The following PLD5 variants were observed in gnomAD, a reference collection of about 807,000 sequenced individuals.
The protein encoded by PLD5 is inactive phospholipase D5.
A neutral mutation model predicts 61.1 loss-of-function variants in PLD5; 36 were observed. The ratio of observed to expected loss-of-function variants is 0.59; its 90% confidence interval spans 0.45 to 0.78. The LOEUF is 0.78. Ranked by LOEUF, PLD5 falls within the 30% of genes least tolerant of loss-of-function variation. The pLI is 0.00. For synonymous variants in PLD5, 243 were observed against 242.8 expected (o/e 1.00, Z -0.01); for missense variants, 515 against 644.4 (o/e 0.80, Z 2.17).
intron 5 of PLD5, among the ~76,000 whole-genome samples, chr1:242,173,031 A>G (rs1425670731): frequency 1.3e-5 from 2 of 152,284 alleles, no homozygotes; most frequent in East Asian, 3.9e-4. Context: ...CCTATTCAAC[A>G]TAGTGTTGGA....
At chr1:242,225,488 G>A (rs1297029034) in intron 4 of PLD5, among the ~76,000 whole-genome samples, 2 of 151,454 alleles carry the variant, frequency 1.3e-5, no homozygotes, top group African/African-American at 4.9e-5. Context: ...CATAACGCAT[G>A]TGAGACCCAT....
At chr1:242,151,945 C>A (rs901540007) in intron 5 of PLD5, among the ~76,000 whole-genome samples, 1 of 151,924 alleles carries the variant, frequency 6.6e-6, no homozygotes, top group Non-Finnish European at 1.5e-5. Context: ...CCAGTGGTAA[C>A]AACTTGAAAA....
intron 5 of PLD5, among the ~76,000 whole-genome samples, chr1:242,171,728 AG>A (rs1281399369): frequency 4.4e-4 from 67 of 151,992 alleles, no homozygotes; most frequent in African/African-American, 1.6e-3. Flanking sequence ...AAAAAAAAAA[AG>A]AGCAGGAGTT....
chr1:242,368,658 T>G (rs1558502219), intron 1 of PLD5, among the ~76,000 whole-genome samples: 1 of 152,182 alleles, frequency 6.6e-6, no homozygotes, highest in Non-Finnish European at 1.5e-5. Context: ...GTTCTCTGCC[T>G]GAGCTTCTCC....
chr1:242,486,733 A>C (rs1401558225), intron 1 of PLD5, among the ~76,000 whole-genome samples: 1 of 152,210 alleles, frequency 6.6e-6, no homozygotes, highest in Non-Finnish European at 1.5e-5. Context: ...AGGATTACAA[A>C]TCATGCTGCT....
intron 1 of PLD5, among the ~76,000 whole-genome samples, chr1:242,482,237 G>A (rs959142235): frequency 2.8e-4 from 43 of 152,182 alleles, no homozygotes; most frequent in African/African-American, 1.0e-3. Flanking sequence ...AGAGAAGAAG[G>A]CTTCAGACAA....
At chr1:242,489,407 T>C (rs1273023465) in intron 1 of PLD5, among the ~76,000 whole-genome samples, 1 of 146,952 alleles carries the variant, frequency 6.8e-6, no homozygotes, top group East Asian at 2.0e-4. Context: ...ACAGAGATGC[T>C]GCAACCAGAG....
At chr1:242,208,474 C>CT (rs1376228743) in intron 5 of PLD5, among the ~76,000 whole-genome samples, 1 of 152,164 alleles carries the variant, frequency 6.6e-6, no homozygotes, top group Non-Finnish European at 1.5e-5. Context: ...TGCAGCCTCC[C>CT]TTTCTCAGGT....
intron 1 of PLD5, among the ~76,000 whole-genome samples, chr1:242,401,683 A>T (rs1663942343): frequency 6.6e-6 from 1 of 151,962 alleles, no homozygotes; most frequent in South Asian, 2.1e-4. Context: ...CACTGTTCTG[A>T]TCTCTGCTCA....
intron 1 of PLD5, among the ~76,000 whole-genome samples, chr1:242,474,028 G>A (rs981064793): frequency 1.3e-5 from 2 of 152,076 alleles, no homozygotes. Context: ...GTTAACCCAC[G>A]TGATAATAGC....
rs1385702405 is a variant in PLD5, at chr1:242,374,969, C to T, written c.190-26727G>A. 2.0e-5 allele frequency among the ~76,000 whole-genome samples: 3 copies of T among 152,168 alleles called. No individual in the cohort carries two copies. The East Asian group carries it at 5.8e-4, about 29-fold the overall frequency. On this transcript the variant is annotated intron_variant, in intron 1 of 9. Transcript: ENST00000536534. ...AAGCTTCAGGGGTCAAGGGCCTTGG[C>T]CCCTACAGTTTTACACACAGGGACA... is the stretch of plus-strand genomic sequence containing the variant.
chr1:242,236,559 A>T (rs1671653437), intron 4 of PLD5, among the ~76,000 whole-genome samples: 1 of 152,166 alleles, frequency 6.6e-6, no homozygotes, highest in Non-Finnish European at 1.5e-5. Flanking sequence ...AACAAAAAAA[A>T]ACTCACAAGC....
At chr1:242,509,235 C>G (rs904284640) in intron 1 of PLD5, among the ~76,000 whole-genome samples, 3 of 151,654 alleles carry the variant, frequency 2.0e-5, no homozygotes, top group Admixed American at 2.0e-4. Flanking sequence ...AGAAATTAGC[C>G]GGGCGTGATG....
chr1:242,307,739 G>A (rs1676463668), intron 2 of PLD5, among the ~76,000 whole-genome samples: 1 of 152,036 alleles, frequency 6.6e-6, no homozygotes, highest in Non-Finnish European at 1.5e-5. Context: ...TGCGAGTCAG[G>A]CTTCTCCTTT....
chr1:242,506,232 G>A (rs555705895), intron 1 of PLD5, among the ~76,000 whole-genome samples: 4 of 152,090 alleles, frequency 2.6e-5, no homozygotes, highest in Non-Finnish European at 5.9e-5. Context: ...AAGAGGGAAG[G>A]TATATACATC....
At chr1:242,395,061 GTATATATATGAATA>G (rs1558528336) in intron 1 of PLD5, among the ~76,000 whole-genome samples, 17 of 84,956 alleles carry the variant, frequency 2.0e-4, no homozygotes, top group Middle Eastern at 6.1e-3. Flanking sequence ...GAATATATAT[GTATATATATGAATA>G]TATATGTATA....
intron 1 of PLD5, among the ~76,000 whole-genome samples, chr1:242,504,567 T>C (rs866640952): frequency 7.4e-6 from 1 of 135,164 alleles, no homozygotes; most frequent in African/African-American, 3.3e-5. Context: ...ACTGCCTCCA[T>C]CCATGAAAGC....
chr1:242,305,612 T>C (rs1676303704), intron 2 of PLD5, among the ~76,000 whole-genome samples: 1 of 151,982 alleles, frequency 6.6e-6, no homozygotes, highest in South Asian at 2.1e-4. Context: ...CAGGCTGGAG[T>C]GCAGTGCAGT....
At chr1:242,164,226 T>C (rs1485609135) in intron 5 of PLD5, among the ~76,000 whole-genome samples, 1 of 151,764 alleles carries the variant, frequency 6.6e-6, no homozygotes, top group East Asian at 1.9e-4. Context: ...AGAAAAACCA[T>C]CTGTTCTTGG....
Sources: allele counts gnomAD v4.1 joint callset (sites outside exome capture counted in the v4.1 genomes callset), GRCh38; gene constraint gnomAD v4.1.1; transcripts MANE v1.5; gene names NCBI Gene and HGNC (gene_info 2026-07-23, HGNC 2026-07-21).